The following RYR1 variants were observed in gnomAD, a reference collection of about 807,000 sequenced individuals.
RYR1 encodes ryanodine receptor 1, also known as central core disease of muscle.
In RYR1, 342 loss-of-function variants were observed where a neutral mutation model predicts 583.5. That is an observed-to-expected ratio of 0.59 (90% CI 0.54 to 0.64). The LOEUF (loss-of-function observed/expected upper bound fraction) is 0.64. Among genes scored for constraint, RYR1 ranks in the 30% least tolerant of loss-of-function variants. The pLI is 0.00. For synonymous variants in RYR1, 2,791 were observed against 2,822.5 expected, an observed-to-expected ratio of 0.99 and a Z score of 0.35; for missense variants, 6,032 against 6,917.2, an observed-to-expected ratio of 0.87 and a Z score of 4.54.
chr19:38,562,600 C>T (rs777387201), intron 90 of RYR1, among the ~76,000 whole-genome samples: 1 of 152,172 alleles, frequency 6.6e-6, no homozygotes, highest in Non-Finnish European at 1.5e-5. Flanking sequence ...TCATGTCCCA[C>T]ACAGAGCCCT....
At chr19:38,571,923 G>T in intron 94 of RYR1, 96 bp from the exon 95 acceptor site, 3 of 1,568,888 alleles carry the variant, frequency 1.9e-6, no homozygotes, top group Non-Finnish European at 2.6e-6. Context: ...ACTGTATCTG[G>T]TATGGTCCCA....
intron 84 of RYR1, among the ~76,000 whole-genome samples, chr19:38,541,220 T>TA: frequency 6.6e-6 from 1 of 152,344 alleles, no homozygotes; most frequent in Non-Finnish European, 1.5e-5. Flanking sequence ...CTGGGGTTTT[T>TA]AAAAGCCTCC....
chr19:38,586,666 C>CCCTTGATATTGATAGG, intron 105 of RYR1, 90 bp downstream of exon 105: 1 of 1,279,022 alleles, frequency 7.8e-7, no homozygotes, highest in Non-Finnish European at 1.1e-6. Flanking sequence ...AAGCTCCTAT[C>CCCTTGATATTGATAGG]AATATCAAGG....
At chr19:38,564,075 T>C (rs941941887) in intron 90 of RYR1, among the ~76,000 whole-genome samples, 1 of 152,230 alleles carries the variant, frequency 6.6e-6, no homozygotes, top group African/African-American at 2.4e-5. Context: ...AGGTTTGCTA[T>C]TGATAATCAA....
intron 63 of RYR1, among the ~76,000 whole-genome samples, 164 bp from the exon 64 acceptor site, chr19:38,514,862 G>C (rs1306188983): frequency 6.6e-6 from 1 of 152,128 alleles, no homozygotes; most frequent in African/African-American, 2.4e-5. Context: ...GAGGCTGAGA[G>C]AGAGTTGGTA....
At chr19:38,527,545 A>G (rs1971519609) in intron 72 of RYR1, 102 bp from the exon 73 acceptor site, 4 of 1,440,636 alleles carry the variant, frequency 2.8e-6, no homozygotes, top group East Asian at 4.7e-5. Flanking sequence ...AGGCCTCAAC[A>G]TGCACTCACC....
chr19:38,511,818 G>C (rs1373417407), intron 61 of RYR1, among the ~76,000 whole-genome samples: 1 of 152,150 alleles, frequency 6.6e-6, no homozygotes, highest in Non-Finnish European at 1.5e-5. Context: ...CAGTGGGAGA[G>C]ACAGACCTAT....
At position 38,478,531 on chromosome 19, in the gene RYR1, C is replaced by T. The variant is rs1480719163; in HGVS notation, c.4551C>T (p.Cys1517=). 6.2e-7 allele frequency: 1 copy of T among 1,614,108 alleles called. No individual in the cohort carries two copies. Among genetic ancestry groups the T allele is most frequent in the South Asian group, 1.1e-5 (1 of 91,084 alleles). Residue 1517 remains cysteine (C), a synonymous_variant, in exon 31 of 106, where the codon TGC becomes TGT. Transcript: ENST00000359596. The part of the protein sequence containing the change: ...RISHTDLVIG[C]LVDLATGLMT... ...GCCACACGGACCTTGTCATTGGGTG[C>T]CTGGTGGACTTGGCCACTGGCTTAA...
chr19:38,443,258 C>T (rs772753111), intron 3 of RYR1, among the ~76,000 whole-genome samples: 14 of 152,098 alleles, frequency 9.2e-5, no homozygotes, highest in South Asian at 2.1e-4. Context: ...AACTAGAAGA[C>T]GGGTTCATTC....
chr19:38,504,396 G>A, intron 50 of RYR1, 36 bp downstream of exon 50: 2 of 1,608,570 alleles, frequency 1.2e-6, no homozygotes, highest in East Asian at 2.2e-5. Flanking sequence ...TGGCCTATGT[G>A]GAGGGTTTGG....
chr19:38,579,769 CTTAGA>C (rs1366470008), intron 99 of RYR1, among the ~76,000 whole-genome samples: 1 of 151,992 alleles, frequency 6.6e-6, no homozygotes, highest in Non-Finnish European at 1.5e-5. Context: ...TCAGTGTGCC[CTTAGA>C]TTGCCAGATT....
chr19:38,487,382 T>G (rs1287993921), intron 34 of RYR1, among the ~76,000 whole-genome samples: 1 of 152,142 alleles, frequency 6.6e-6, no homozygotes, highest in African/African-American at 2.4e-5. Context: ...GACAAAGTCT[T>G]GCTCTGTCAC....
rs1662098811 is a variant in RYR1 at position 38,467,716 on chromosome 19, C to T, written c.3285C>T (p.Thr1095=). The T allele has an allele frequency of 1.2e-6, 2 of 1,614,092 alleles. No homozygotes were observed. Among genetic ancestry groups the T allele is most frequent in the South Asian group, 1.1e-5 (1 of 91,094 alleles). ...GRWYFEFEAV[T]TGEMRVGWAR... ...GGTACTTCGAGTTTGAAGCAGTCAC[C>T]ACAGGCGAGATGCGCGTGGGCTGGG... Residue 1095 remains threonine, a synonymous_variant, in exon 25 of 106, where the codon ACC becomes ACT. Coordinates refer to ENST00000359596, the MANE Select transcript of RYR1 (RefSeq NM_000540.3).
intron 54 of RYR1, 141 bp from the exon 55 acceptor site, chr19:38,506,162 G>A: frequency 9.5e-7 from 1 of 1,054,854 alleles, no homozygotes; most frequent in Non-Finnish European, 1.4e-6. Context: ...TTTAGAGACA[G>A]GGCCTTAAGG....
chr19:38,463,353 T>G, intron 20 of RYR1, 70 bp from the exon 21 acceptor site: 1 of 1,348,958 alleles, frequency 7.4e-7, no homozygotes, highest in South Asian at 1.2e-5. Flanking sequence ...CAGGTGTTCT[T>G]GGAAAGAGGG....
At chr19:38,535,448 A>G in intron 81 of RYR1, 56 bp downstream of exon 81, 5 of 1,274,424 alleles carry the variant, frequency 3.9e-6, no homozygotes, top group Non-Finnish European at 5.7e-6. Flanking sequence ...CTGCCACCCC[A>G]CTCCTGGTAC....
rs749270735 is a variant in RYR1 at position 38,499,203 on chromosome 19, G to T, written c.6987G>T (p.Glu2329Asp). ...TTGGCTGGAACCCCTGTGGTGGAGAGCGCTACCTGGACTTCCTGCGCTTTG... is the reference window on the plus strand; with the variant it reads ...TTGGCTGGAACCCCTGTGGTGGAGATCGCTACCTGGACTTCCTGCGCTTTG... ...PDIGWNPCGG[E>D]RYLDFLRFAV... Residue 2329 changes from glutamate to aspartate, a missense_variant, in exon 43 of 106, where the codon GAG becomes GAT. Glu to Asp is a conservative substitution (Grantham distance 45, BLOSUM62 2). Transcript: ENST00000359596. This position sits in a 1 kb window ranked among gnomAD's most constrained non-coding sequence, Gnocchi z 7.3. 3.7e-6 allele frequency: 6 copies of T among 1,614,228 alleles called. No homozygotes were observed. The South Asian group carries it at 6.6e-5, about 18-fold the overall frequency.
intron 34 of RYR1, among the ~76,000 whole-genome samples, chr19:38,487,394 C>A (rs2145551751): frequency 6.6e-6 from 1 of 152,316 alleles, no homozygotes; most frequent in Non-Finnish European, 1.5e-5. Flanking sequence ...CTCTGTCACC[C>A]AGGCTGAAGA....
At chr19:38,525,668 G>C (rs1046168261) in intron 71 of RYR1, among the ~76,000 whole-genome samples, 166 bp downstream of exon 71, 1 of 151,826 alleles carries the variant, frequency 6.6e-6, no homozygotes, top group Non-Finnish European at 1.5e-5. Context: ...AGGACTCACT[G>C]TGCCCCTGGG....
Sources: gnomAD v4.1 joint callset for allele counts (sites outside exome capture counted in the v4.1 genomes callset) on GRCh38, gnomAD v4.1.1 for gene constraint, Gnocchi (gnomAD v3.1) non-coding constraint, MANE v1.5 for transcripts, NCBI Gene and HGNC (gene_info 2026-07-23, HGNC 2026-07-21) for gene names.